Variants in SLC35F4 observed in about 807,000 individuals in gnomAD.
SLC35F4 encodes the protein solute carrier family 35 member F4.
SLC35F4 carries 24 observed loss-of-function variants against 44.2 expected under a neutral mutation model. The observed-to-expected ratio is 0.54, with a 90% CI of 0.39 to 0.76. The LOEUF is 0.76. Ranked by LOEUF, SLC35F4 falls within the 30% of genes least tolerant of loss-of-function variation. SLC35F4 has a pLI of 0.00. For synonymous variants in SLC35F4, 238 were observed against 223.6 expected (o/e 1.06, Z -0.57); for missense variants, 562 against 586.1 (o/e 0.96, Z 0.42).
intron 1 of SLC35F4, among the ~76,000 whole-genome samples, chr14:57,645,524 G>A (rs2073464145): frequency 6.6e-6 from 1 of 152,026 alleles, no homozygotes; most frequent in Non-Finnish European, 1.5e-5. Flanking sequence ...ATTTTGGGCT[G>A]AGATGATGGG....
intron 1 of SLC35F4, among the ~76,000 whole-genome samples, chr14:57,778,569 A>T (rs2077546459): frequency 6.6e-6 from 1 of 152,136 alleles, no homozygotes; most frequent in African/African-American, 2.4e-5. Flanking sequence ...TAGATCATTG[A>T]GGCAGAAAAT....
chr14:57,829,735 A>G (rs1456197515), intron 1 of SLC35F4, among the ~76,000 whole-genome samples: 1 of 152,046 alleles, frequency 6.6e-6, no homozygotes, highest in Non-Finnish European at 1.5e-5. Context: ...GGTTGTGGGT[A>G]GTGATCACTG....
chr14:57,845,528 C>T (rs1885938633), intron 1 of SLC35F4, among the ~76,000 whole-genome samples: 1 of 152,202 alleles, frequency 6.6e-6, no homozygotes, highest in African/African-American at 2.4e-5. Context: ...GCAAACAATT[C>T]AGGCTTACAT....
intron 1 of SLC35F4, among the ~76,000 whole-genome samples, chr14:57,812,637 T>C (rs1219857822): frequency 6.6e-6 from 1 of 152,140 alleles, no homozygotes; most frequent in Admixed American, 6.5e-5. Context: ...ATTTATGCTC[T>C]GACATTTTCT....
chr14:57,824,398 G>A (rs143297885), intron 1 of SLC35F4, among the ~76,000 whole-genome samples: 128 of 152,258 alleles, frequency 8.4e-4, no homozygotes, highest in Admixed American at 2.8e-3. Context: ...TAGATGGTAG[G>A]TAGGTAGAAG....
At chr14:57,855,919 C>G (rs1887039031) in intron 1 of SLC35F4, among the ~76,000 whole-genome samples, 1 of 150,818 alleles carries the variant, frequency 6.6e-6, no homozygotes, top group African/African-American at 2.5e-5. Flanking sequence ...AACTATCATT[C>G]TCAGCAAACT....
At chr14:57,904,446 A>C (rs960024916) in intron 1 of SLC35F4, among the ~76,000 whole-genome samples, 6 of 152,190 alleles carry the variant, frequency 3.9e-5, no homozygotes, top group Admixed American at 1.3e-4. Context: ...CCCATGTTCC[A>C]CTCCAAGATT....
chr14:57,739,442 TC>T (rs2076549905), intron 1 of SLC35F4, among the ~76,000 whole-genome samples: 1 of 152,216 alleles, frequency 6.6e-6, no homozygotes, highest in African/African-American at 2.4e-5. Flanking sequence ...AATTACTTGT[TC>T]TTAACTACAG....
intron 1 of SLC35F4, among the ~76,000 whole-genome samples, chr14:57,947,910 C>T (rs913871758): frequency 6.6e-6 from 1 of 152,094 alleles, no homozygotes; most frequent in African/African-American, 2.4e-5. Flanking sequence ...TTTTGATATG[C>T]TGTTGGATTT....
chr14:57,727,001 C>T (rs1594895580), intron 1 of SLC35F4, among the ~76,000 whole-genome samples: 1 of 152,132 alleles, frequency 6.6e-6, no homozygotes, highest in African/African-American at 2.4e-5. Flanking sequence ...TGCCCTCAAA[C>T]ATCGGACTCC....
intron 1 of SLC35F4, among the ~76,000 whole-genome samples, chr14:57,808,534 T>TTAAAA (rs1394844845): frequency 5.3e-5 from 8 of 151,976 alleles, no homozygotes; most frequent in African/African-American, 1.9e-4. Context: ...AACTTAAAAA[T>TTAAAA]TAAAATGAAA....
intron 1 of SLC35F4, among the ~76,000 whole-genome samples, chr14:57,622,563 G>T (rs188669303): frequency 8.6e-5 from 13 of 150,988 alleles, no homozygotes; most frequent in Admixed American, 6.6e-4. Context: ...GTAAACTATC[G>T]CAAGAACAAA....
intron 1 of SLC35F4, among the ~76,000 whole-genome samples, chr14:57,912,231 G>A (rs1462141806): frequency 6.6e-6 from 1 of 151,522 alleles, no homozygotes; most frequent in African/African-American, 2.4e-5. Flanking sequence ...TTTCTCTATT[G>A]ATTTCCTATT....
intron 1 of SLC35F4, among the ~76,000 whole-genome samples, chr14:57,872,463 C>T (rs1228473166): frequency 1.3e-5 from 2 of 152,048 alleles, no homozygotes; most frequent in East Asian, 3.9e-4. Flanking sequence ...TTTCTTTTGT[C>T]TCACCTTTGC....
intron 1 of SLC35F4, among the ~76,000 whole-genome samples, chr14:57,616,370 A>G (rs1383789442): frequency 2.0e-5 from 3 of 152,226 alleles, no homozygotes; most frequent in Non-Finnish European, 2.9e-5. Flanking sequence ...CAAATGTGCT[A>G]CAAGGTTTAT....
chr14:57,611,394 G>A (rs1275895780), intron 1 of SLC35F4, among the ~76,000 whole-genome samples: 1 of 152,102 alleles, frequency 6.6e-6, no homozygotes, highest in African/African-American at 2.4e-5. Context: ...GGAAGGCAGG[G>A]TAAGAAATAA....
chr14:57,950,626 T>C lies in SLC35F4; in HGVS notation n.282+31287A>G, dbSNP rs371471607. Among the ~76,000 whole-genome samples, 23 of 152,112 alleles carry C rather than the reference T, an allele frequency of 1.5e-4. 1 individual carries two copies. The East Asian group carries it at 2.9e-3, about 19-fold the overall frequency. On this transcript the variant is annotated intron_variant and non_coding_transcript_variant, in intron 1 of 1. Coordinates refer to the SLC35F4 transcript ENST00000556568. ...TTTTGTCATATTACCAAAATTACTT[T>C]TCCAGCCCATTGTCATTTGCATAGA... is the stretch of plus-strand genomic sequence containing the variant.
At chr14:57,747,251 T>A (rs2140541304) in intron 1 of SLC35F4, among the ~76,000 whole-genome samples, 1 of 152,300 alleles carries the variant, frequency 6.6e-6, no homozygotes, top group East Asian at 1.9e-4. Flanking sequence ...GGGCACGTGC[T>A]TACTGCACTG....
chr14:57,856,013 G>A (rs1381344051), intron 1 of SLC35F4, among the ~76,000 whole-genome samples: 1 of 151,858 alleles, frequency 6.6e-6, no homozygotes. Flanking sequence ...CACAAGGCAG[G>A]GAACATCACA....
Sources: gnomAD v4.1 joint callset for allele counts (sites outside exome capture counted in the v4.1 genomes callset) on GRCh38, gnomAD v4.1.1 for gene constraint, MANE v1.5 for transcripts, NCBI Gene and HGNC (gene_info 2026-07-23, HGNC 2026-07-21) for gene names.